EYA3: variants seen among roughly 807,000 people sequenced by gnomAD.
EYA3 encodes the protein EYA transcriptional coactivator and phosphatase 3, also known as protein phosphatase EYA3.
Under a neutral mutation model 80.0 loss-of-function variants are expected in EYA3, and 39 were observed. That is an observed-to-expected ratio of 0.49 (90% confidence interval 0.38 to 0.64). The LOEUF (loss-of-function observed/expected upper bound fraction) is 0.64, where lower values mean the gene tolerates loss of function less well. Among genes scored for constraint, EYA3 ranks in the 30% least tolerant of loss-of-function variants. The probability of loss-of-function intolerance (pLI) is 0.00; values close to 1 mark genes in which losing one functional copy is unlikely to be tolerated. For synonymous variants in EYA3, 206 were observed against 232.8 expected (o/e 0.88, Z 1.05); for missense variants, 523 against 676.1 (o/e 0.77, Z 2.51).
rs557110110 is a variant in EYA3 at position 28,083,741 on chromosome 1, GTTAA to G, written c.-69+4779_-69+4782del. Among the ~76,000 whole-genome samples, 349 of 152,184 alleles carry G rather than the reference GTTAA, an allele frequency of 2.3e-3. 3 individuals are homozygous for G. Among genetic ancestry groups the G allele is most frequent in the African/African-American group, 7.7e-3 (321 of 41,520 alleles). ...CTATAACGAAAGAACATGATTTTAT[GTTAA>G]TTAAGTTTATTTAATTCTAATTATG... On this transcript the variant is annotated intron_variant, in intron 1 of 17. Coordinates refer to ENST00000373871, the MANE Select transcript of EYA3 (RefSeq NM_001990.4).
intron 1 of EYA3, among the ~76,000 whole-genome samples, chr1:28,067,992 G>T (rs1644892364): frequency 6.6e-6 from 1 of 152,096 alleles, no homozygotes; most frequent in Non-Finnish European, 1.5e-5. Flanking sequence ...CCAAAACTCT[G>T]AACTCCCTTG....
chr1:28,077,636 A>T (rs1024576646), intron 1 of EYA3, among the ~76,000 whole-genome samples: 17 of 152,126 alleles, frequency 1.1e-4, no homozygotes, highest in Admixed American at 7.2e-4. Flanking sequence ...AACAAGTGAC[A>T]TGAAAAAAAA....
intron 7 of EYA3, among the ~76,000 whole-genome samples, chr1:28,018,396 T>C (rs1321159919): frequency 1.3e-5 from 2 of 152,146 alleles, no homozygotes; most frequent in African/African-American, 2.4e-5. Context: ...GTAACTGATA[T>C]TATCAGTACT....
intron 8 of EYA3, among the ~76,000 whole-genome samples, chr1:28,016,326 T>G (rs1295717109): frequency 2.0e-5 from 3 of 152,010 alleles, no homozygotes; most frequent in Admixed American, 6.6e-5. Flanking sequence ...AGTCAGGAGT[T>G]TGAGACCAGC....
At chr1:28,046,277 T>A (rs561530386) in intron 3 of EYA3, among the ~76,000 whole-genome samples, 1 of 152,232 alleles carries the variant, frequency 6.6e-6, no homozygotes, top group South Asian at 2.1e-4. Flanking sequence ...AGTAAAAAAA[T>A]TGCTGAAGGT....
At chr1:28,024,005 G>A (rs1050296973) in intron 7 of EYA3, among the ~76,000 whole-genome samples, 3 of 152,156 alleles carry the variant, frequency 2.0e-5, no homozygotes, top group Admixed American at 1.3e-4. Flanking sequence ...TTGGGAAGCC[G>A]AGGCAGGCGG....
chr1:28,001,095 C>T (rs1038602907), intron 11 of EYA3, among the ~76,000 whole-genome samples: 1 of 151,136 alleles, frequency 6.6e-6, no homozygotes, highest in South Asian at 2.1e-4. Flanking sequence ...TGTATTTATA[C>T]ACATATCTAT....
chr1:27,993,725 T>G (rs1169542839), intron 13 of EYA3, among the ~76,000 whole-genome samples, 165 bp from the exon 14 acceptor site: 1 of 152,210 alleles, frequency 6.6e-6, no homozygotes, highest in Non-Finnish European at 1.5e-5. Flanking sequence ...TAGTTCTCTA[T>G]CTCACACTTA....
Position 28,077,487 on chromosome 1 carries a change from G to A in EYA3, c.-69+11037C>T, listed in dbSNP as rs150840020. ...AGTAAAAAGTATTAAGAAGGAGGAGGTTAACCTGAATTAGCTATGTCAAAG... is the reference window on the plus strand; with the variant it reads ...AGTAAAAAGTATTAAGAAGGAGGAGATTAACCTGAATTAGCTATGTCAAAG... On this transcript the variant is annotated intron_variant, in intron 1 of 17. Transcript: ENST00000373871. Among the ~76,000 whole-genome samples the A allele has an allele frequency of 7.2e-5, 11 of 152,180 alleles. No homozygotes were observed. The East Asian group carries it at 2.1e-3, about 29-fold the overall frequency.
At chr1:28,008,038 G>A (rs775295940) in intron 10 of EYA3, among the ~76,000 whole-genome samples, 2 of 152,032 alleles carry the variant, frequency 1.3e-5, no homozygotes, top group African/African-American at 4.8e-5. Flanking sequence ...ACATAGAGAC[G>A]AATGAAATAA....
rs904634001 is a variant in EYA3 at position 28,035,603 on chromosome 1, T to C, written c.302A>G (p.Gln101Arg). The change falls in exon 6 of 18, where the codon CAG (glutamine) becomes CGG (arginine). Residue 101 changes from glutamine (Q) to arginine (R), a missense_variant. By Grantham distance (43) the Gln-to-Arg change is conservative (BLOSUM62 1). This residue lies in a region of EYA3 where 304 missense variants were observed against 343.3 expected (regional missense o/e 0.89). Transcript: ENST00000373871. ...AGGGTAGACAGCATAGGGTTGAGTC[T>C]GCTGTAGTGTCTGGTATTGAGTCTG... Reference protein sequence around the residue: ...PGQTQYQTLQQTQPYAVYPQA... With the variant: ...PGQTQYQTLQRTQPYAVYPQA... 1 of 1,614,188 alleles carries C rather than the reference T, an allele frequency of 6.2e-7. No individual in the cohort carries two copies. The highest frequency in any genetic ancestry group is 8.5e-7 in the Non-Finnish European group (1 of 1,180,008).
chr1:27,995,421 GAA>G (rs55902170), intron 13 of EYA3, among the ~76,000 whole-genome samples: 20 of 79,172 alleles, frequency 2.5e-4, no homozygotes, highest in East Asian at 1.6e-3. Context: ...ATCTTAAAAG[GAA>G]AAAAAAAAAA....
intron 3 of EYA3, among the ~76,000 whole-genome samples, chr1:28,048,146 A>C (rs947994425): frequency 6.6e-6 from 1 of 152,218 alleles, no homozygotes; most frequent in African/African-American, 2.4e-5. Context: ...ATACAACATG[A>C]GTTTGGTACA....
chr1:27,996,742 GT>G (rs985405952), intron 13 of EYA3, among the ~76,000 whole-genome samples: 1 of 152,164 alleles, frequency 6.6e-6, no homozygotes, highest in Non-Finnish European at 1.5e-5. Flanking sequence ...GATGTGACAG[GT>G]TTTTTTCTTA....
intron 1 of EYA3, 84 bp from the exon 2 acceptor site, chr1:28,058,178 C>G: frequency 5.9e-6 from 3 of 507,412 alleles, no homozygotes; most frequent in Non-Finnish European, 1.0e-5. Flanking sequence ...TTTTTAGTAT[C>G]TTGCTACCCC....
chr1:28,065,181 A>G (rs1644786834), intron 1 of EYA3, among the ~76,000 whole-genome samples: 1 of 152,224 alleles, frequency 6.6e-6, no homozygotes. Flanking sequence ...TGTGTGGCCA[A>G]AACCTGGAGT....
chr1:28,072,723 C>T (rs529533589), intron 1 of EYA3, among the ~76,000 whole-genome samples: 7 of 152,094 alleles, frequency 4.6e-5, no homozygotes, highest in South Asian at 4.2e-4. Flanking sequence ...AATCCCATTC[C>T]GAGGTATCTA....
chr1:28,039,699 A>T (rs1419508620), intron 4 of EYA3, among the ~76,000 whole-genome samples: 2 of 152,228 alleles, frequency 1.3e-5, no homozygotes, highest in Non-Finnish European at 2.9e-5. Context: ...ACCCAAAAAG[A>T]GAACCTTGAT....
intron 3 of EYA3, 98 bp downstream of exon 3, chr1:28,048,284 CA>C: frequency 2.8e-6 from 2 of 702,536 alleles, no homozygotes; most frequent in Non-Finnish European, 4.4e-6. Flanking sequence ...TGGTAAGAAC[CA>C]AAAAGAGGGC....
Sources: allele counts gnomAD v4.1 joint callset (sites outside exome capture counted in the v4.1 genomes callset), GRCh38; gene constraint gnomAD v4.1.1; regional missense constraint gnomAD v4.1.1; transcripts MANE v1.5; gene names NCBI Gene and HGNC (gene_info 2026-07-23, HGNC 2026-07-21).